Variants in NRG3 observed in about 807,000 individuals in gnomAD.
NRG3 encodes the protein pro-neuregulin-3, membrane-bound isoform.
NRG3 carries 31 observed loss-of-function variants against 66.9 expected under a neutral mutation model. That is an observed-to-expected ratio of 0.46 (90% CI 0.35 to 0.63). The LOEUF (loss-of-function observed/expected upper bound fraction) is 0.63, where lower values mean the gene tolerates loss of function less well. Among genes scored for constraint, NRG3 ranks in the 20% least tolerant of loss-of-function variants. NRG3 has a pLI of 0.00. For synonymous variants in NRG3, 393 were observed against 359.4 expected (o/e 1.09, Z -1.06); for missense variants, 910 against 878.9 (o/e 1.04, Z -0.45).
intron 2 of NRG3, among the ~76,000 whole-genome samples, chr10:82,592,294 G>T (rs928163331): frequency 1.3e-4 from 20 of 152,100 alleles, no homozygotes; most frequent in Non-Finnish European, 2.2e-4. Context: ...GATTTTTAAG[G>T]TCTTCCTGAG....
At chr10:82,918,955 T>A (rs544784719) in intron 4 of NRG3, among the ~76,000 whole-genome samples, 1 of 152,264 alleles carries the variant, frequency 6.6e-6, no homozygotes, top group South Asian at 2.1e-4. Flanking sequence ...TAATCCTACC[T>A]GTTCTAGGTT....
chr10:82,515,483 ACT>A (rs1845568621), intron 2 of NRG3, among the ~76,000 whole-genome samples: 1 of 152,034 alleles, frequency 6.6e-6, no homozygotes, highest in South Asian at 2.1e-4. Context: ...GTCATTGATG[ACT>A]CTATTGTTTC....
intron 4 of NRG3, among the ~76,000 whole-genome samples, chr10:82,950,483 G>T (rs535138751): frequency 6.6e-6 from 1 of 152,256 alleles, no homozygotes; most frequent in South Asian, 2.1e-4. Flanking sequence ...GTGTCCATTT[G>T]CCCAGTGGTA....
chr10:82,522,656 A>G (rs1846305855), intron 2 of NRG3, among the ~76,000 whole-genome samples: 1 of 152,186 alleles, frequency 6.6e-6, no homozygotes, highest in Non-Finnish European at 1.5e-5. Flanking sequence ...TAAAAAATGC[A>G]ATATCTGCAA....
At chr10:82,585,444 A>G (rs2046613866) in intron 2 of NRG3, among the ~76,000 whole-genome samples, 1 of 152,304 alleles carries the variant, frequency 6.6e-6, no homozygotes, top group Admixed American at 6.5e-5. Context: ...TAAATAACAT[A>G]GACTTTTAGT....
At chr10:82,374,735 C>A (rs916488494) in intron 2 of NRG3, among the ~76,000 whole-genome samples, 2 of 152,126 alleles carry the variant, frequency 1.3e-5, no homozygotes, top group Non-Finnish European at 2.9e-5. Context: ...CCTTGCTGCT[C>A]AGCTCACAAT....
rs188059254 is a variant in NRG3 at position 82,074,057 on chromosome 10, A to G, written c.823+197894A>G. On this transcript the variant is annotated intron_variant, in intron 1 of 8. Transcript: ENST00000372141. ...AAGAGAGATACAGCAGCATAGCATC[A>G]AATAGTGATGAGTTCTCTGAAAAAA... Among the ~76,000 whole-genome samples, 357 of 152,006 alleles carry G rather than the reference A, an allele frequency of 2.3e-3. 1 individual carries two copies. Among genetic ancestry groups the G allele is most frequent in the Middle Eastern group, 0.017 (5 of 294 alleles).
At chr10:82,146,705 G>A (rs1315289091) in intron 1 of NRG3, among the ~76,000 whole-genome samples, 7 of 152,152 alleles carry the variant, frequency 4.6e-5, no homozygotes, top group African/African-American at 1.7e-4. Context: ...GAAGGAGGTG[G>A]GAAGTGGAGA....
At chr10:82,347,491 G>T (rs1182613669) in intron 1 of NRG3, among the ~76,000 whole-genome samples, 3 of 151,524 alleles carry the variant, frequency 2.0e-5, no homozygotes, top group African/African-American at 7.3e-5. Context: ...TTCCAACTAT[G>T]TGGTCAATTT....
At chr10:82,717,139 A>T (rs1027720859) in intron 2 of NRG3, among the ~76,000 whole-genome samples, 1 of 152,258 alleles carries the variant, frequency 6.6e-6, no homozygotes, top group East Asian at 1.9e-4. Flanking sequence ...AAAGAAAAAA[A>T]TACAATACCT....
intron 1 of NRG3, among the ~76,000 whole-genome samples, chr10:82,025,059 C>A (rs766943421): frequency 2.0e-5 from 3 of 151,928 alleles, no homozygotes; most frequent in Non-Finnish European, 4.4e-5. Flanking sequence ...AAGTTTCCAG[C>A]ACTCTTTGAA....
chr10:82,195,335 G>T (rs1022326492), intron 1 of NRG3, among the ~76,000 whole-genome samples: 1 of 152,144 alleles, frequency 6.6e-6, no homozygotes, highest in African/African-American at 2.4e-5. Context: ...GTATTTTGAT[G>T]TGTATCATGA....
intron 2 of NRG3, among the ~76,000 whole-genome samples, chr10:82,727,418 C>T (rs1157471970): frequency 6.6e-6 from 1 of 152,186 alleles, no homozygotes; most frequent in Admixed American, 6.5e-5. Context: ...CTGCTCCAGC[C>T]ATGACTAAAA....
chr10:82,597,492 T>TA (rs2047355684), intron 2 of NRG3, among the ~76,000 whole-genome samples: 1 of 152,202 alleles, frequency 6.6e-6, no homozygotes, highest in African/African-American at 2.4e-5. Flanking sequence ...ATTACATACA[T>TA]ACAGGTCTGG....
At chr10:82,579,453 C>T (rs1030371030) in intron 2 of NRG3, among the ~76,000 whole-genome samples, 7 of 151,968 alleles carry the variant, frequency 4.6e-5, no homozygotes, top group South Asian at 2.1e-4. Flanking sequence ...TGTTTGGGCA[C>T]AGATTTGATT....
At chr10:82,081,050 G>A (rs2065364689) in intron 1 of NRG3, among the ~76,000 whole-genome samples, 2 of 152,080 alleles carry the variant, frequency 1.3e-5, no homozygotes, top group African/African-American at 4.8e-5. Flanking sequence ...TTTTTGTTTT[G>A]TTTTGTTTTT....
chr10:82,219,087 T>C (rs966747037), intron 1 of NRG3, among the ~76,000 whole-genome samples: 4 of 152,020 alleles, frequency 2.6e-5, no homozygotes, highest in Non-Finnish European at 5.9e-5. Flanking sequence ...GTCCTGTGCA[T>C]ATATTAAGTG....
intron 2 of NRG3, among the ~76,000 whole-genome samples, chr10:82,534,328 A>G (rs1044629096): frequency 1.3e-5 from 2 of 151,948 alleles, no homozygotes; most frequent in East Asian, 1.9e-4. Flanking sequence ...GTGATGCACA[A>G]TCTTGGCTCG....
At chr10:82,119,256 A>G (rs1182722850) in intron 1 of NRG3, among the ~76,000 whole-genome samples, 7 of 152,136 alleles carry the variant, frequency 4.6e-5, no homozygotes, top group African/African-American at 1.7e-4. Context: ...AATAGACCTC[A>G]AAACCACTGT....
Sources: allele counts gnomAD v4.1 joint callset (sites outside exome capture counted in the v4.1 genomes callset), GRCh38; gene constraint gnomAD v4.1.1; transcripts MANE v1.5; gene names NCBI Gene and HGNC (gene_info 2026-07-23, HGNC 2026-07-21).